The following TRAP1 variants were observed in gnomAD, a reference collection of about 807,000 sequenced individuals.
TRAP1 encodes the protein heat shock protein 75 kDa, mitochondrial.
In TRAP1, 102 loss-of-function variants were observed where a neutral mutation model predicts 89.1. The ratio of observed to expected loss-of-function variants is 1.15; its 90% CI spans 0.98 to 1.35. The LOEUF is 1.35. TRAP1 is among the 40% of genes most tolerant of loss of function. The pLI, the probability that TRAP1 is intolerant of heterozygous loss-of-function variation, is 0.00. For missense variants in TRAP1, 1,256 were observed against 945.3 expected, an observed-to-expected ratio of 1.33 and a Z score of -4.31; for synonymous variants, 508 against 388.0, an observed-to-expected ratio of 1.31 and a Z score of -3.64.
Position 3,662,909 on chromosome 16 carries a change from C to A in TRAP1, c.1767G>T (p.Val589=), listed in dbSNP as rs748175619. 1 of 1,613,376 alleles carries A rather than the reference C, an allele frequency of 6.2e-7. No individual in the cohort carries two copies. Among genetic ancestry groups the A allele is most frequent in the East Asian group, 2.2e-5 (1 of 44,900 alleles). The stretch of plus-strand genomic sequence containing the variant: ...TCACGTTGGTGACACGCGACCCCAG[C>A]ACATTTCTCATCCAGGCCATGAGCT... ...TEELMAWMRN[V]LGSRVTNVKV... The change falls in exon 15 of 18, where the codon GTG becomes GTT. Residue 589 remains valine, a synonymous_variant. Transcript: ENST00000246957.
At chr16:3,664,581 G>T in intron 12 of TRAP1, 122 bp from the exon 13 acceptor site, 1 of 1,094,420 alleles carries the variant, frequency 9.1e-7, no homozygotes. Context: ...GCCCTGACCC[G>T]AGGGACGGTA....
At chr16:3,697,177 C>T (rs1342968003) in intron 1 of TRAP1, among the ~76,000 whole-genome samples, 1 of 152,154 alleles carries the variant, frequency 6.6e-6, no homozygotes, top group African/African-American at 2.4e-5. Context: ...GGATCTTTGC[C>T]TATTGGTCAG....
chr16:3,665,656 G>A lies in TRAP1; in HGVS notation c.1383+315C>T, dbSNP rs2050814178. Among the ~76,000 whole-genome samples, 3 of 152,118 alleles carry A rather than the reference G, an allele frequency of 2.0e-5. No homozygotes were observed. In the South Asian group the frequency reaches 6.2e-4, roughly 32 times the overall value. On this transcript the variant is annotated intron_variant, in intron 12 of 17. Coordinates refer to ENST00000246957, the MANE Select transcript of TRAP1 (RefSeq NM_016292.3). ...TGTCCCACCTGTCTGTGGCTCCCCA[G>A]CCCCCAACATCCTCTGAGGGGAGAC...
intron 1 of TRAP1, among the ~76,000 whole-genome samples, chr16:3,696,411 G>A (rs977746419): frequency 1.3e-5 from 2 of 152,208 alleles, no homozygotes; most frequent in Admixed American, 1.3e-4. Context: ...CTGTGACCCG[G>A]CAAATCAAGC....
At chr16:3,674,074 G>C (rs999672396) in intron 9 of TRAP1, among the ~76,000 whole-genome samples, 6 of 152,192 alleles carry the variant, frequency 3.9e-5, no homozygotes, top group African/African-American at 9.6e-5. Flanking sequence ...TACCCACCCA[G>C]AGGCATCTGT....
chr16:3,674,225 CTA>C, intron 9 of TRAP1, 112 bp downstream of exon 9: 11 of 1,406,930 alleles, frequency 7.8e-6, no homozygotes, highest in South Asian at 5.4e-5. Context: ...CCAGCACTAC[CTA>C]TGTTTTTCAT....
At chr16:3,702,748 G>A (rs573940370) in intron 1 of TRAP1, among the ~76,000 whole-genome samples, 1 of 150,766 alleles carries the variant, frequency 6.6e-6, no homozygotes, top group Non-Finnish European at 1.5e-5. Flanking sequence ...CTGTCTTTAA[G>A]AGAAATTTAA....
chr16:3,699,803 G>T (rs998865773), intron 1 of TRAP1, among the ~76,000 whole-genome samples: 2 of 151,728 alleles, frequency 1.3e-5, no homozygotes. Flanking sequence ...GAACAGCTGG[G>T]ACTGCAGGTA....
intron 15 of TRAP1, chr16:3,662,633 G>A: frequency 1.5e-6 from 1 of 669,084 alleles, no homozygotes; most frequent in Non-Finnish European, 2.7e-6. Context: ...CACTCAGGAT[G>A]CTGGTTTTTC....
chr16:3,661,970 C>A lies in TRAP1; in HGVS notation c.1940+17G>T, dbSNP rs1596684968. On this transcript the variant is annotated intron_variant, in intron 16 of 17. Coordinates refer to ENST00000246957, the MANE Select transcript of TRAP1 (RefSeq NM_016292.3). ...GGGGAATCCCACAGGCTGGAAGAGC[C>A]AGGAGCGTGGCCTCACCTGGGGTTG... The A allele has an allele frequency of 6.3e-7, 1 of 1,587,934 alleles. No homozygotes were observed. Among genetic ancestry groups the A allele is most frequent in the East Asian group, 2.3e-5 (1 of 44,344 alleles).
chr16:3,682,209 A>C (rs1223863779), intron 4 of TRAP1, among the ~76,000 whole-genome samples: 1 of 152,126 alleles, frequency 6.6e-6, no homozygotes, highest in African/African-American at 2.4e-5. Flanking sequence ...ATTAACTTGA[A>C]ATGGATCATA....
intron 12 of TRAP1, 91 bp from the exon 13 acceptor site, chr16:3,664,550 G>A: frequency 7.3e-7 from 1 of 1,372,048 alleles, no homozygotes. Flanking sequence ...GATGCCCATG[G>A]CCTCCTGGCA....
rs141361125 is a variant in TRAP1, at chr16:3,663,513, C to A, written c.1619G>T (p.Arg540Leu). 10 of 1,614,002 alleles carry A rather than the reference C, an allele frequency of 6.2e-6. No individual in the cohort carries two copies. Among genetic ancestry groups the A allele is most frequent in the South Asian group, 3.3e-5 (3 of 91,082 alleles). The change falls in exon 14 of 18, where the codon CGT becomes CTT. Residue 540 changes from arginine to leucine, a missense_variant. By Grantham distance (102) the Arg-to-Leu change is moderately radical (BLOSUM62 -2). Transcript: ENST00000246957. ...GATCAGCTTCTTCTTGTCAAACTCA[C>A]GAAGGTGCAGCAGGGTGAGCTCATC... ...QFDELTLLHL[R>L]EFDKKKLISV...
At chr16:3,700,270 C>T (rs927021493) in intron 1 of TRAP1, among the ~76,000 whole-genome samples, 1 of 151,554 alleles carries the variant, frequency 6.6e-6, no homozygotes, top group African/African-American at 2.4e-5. Flanking sequence ...CGGGTTCAAG[C>T]GATTCTCCTG....
Position 3,677,570 on chromosome 16 carries a change from A to G in TRAP1, c.632T>C (p.Val211Ala), listed in dbSNP as rs760425595. The G allele has an allele frequency of 6.2e-6, 10 of 1,614,066 alleles. No individual in the cohort carries two copies. In the African/African-American group the frequency reaches 1.2e-4, roughly 19 times the overall value. The change falls in exon 6 of 18, where the codon GTG becomes GCG. Residue 211 changes from valine (V) to alanine (A), a missense_variant. Coordinates refer to ENST00000246957, the MANE Select transcript of TRAP1 (RefSeq NM_016292.3). ...FGVGFYSAFM[V>A]ADRVEVYSRS... ...GGAATAGACCTCCACTCTGTCAGCC[A>G]CCATGAAAGCTGAGTAGAAACCCAC...
intron 9 of TRAP1, among the ~76,000 whole-genome samples, chr16:3,673,376 G>A (rs377607288): frequency 1.3e-5 from 2 of 152,208 alleles, no homozygotes; most frequent in Admixed American, 6.5e-5. Context: ...CACCGGGCCC[G>A]AAACGCTGGG....
At chr16:3,664,207 G>C in intron 13 of TRAP1, 67 bp downstream of exon 13, 1 of 1,447,442 alleles carries the variant, frequency 6.9e-7, no homozygotes, top group South Asian at 1.4e-5. Flanking sequence ...CCAGCACAGA[G>C]CTGAGAAGGT....
In TRAP1 at chr16:3,715,036, C is replaced by T. The variant is rs528929914; in HGVS notation, c.88+2385G>A. 8.5e-5 allele frequency among the ~76,000 whole-genome samples: 13 copies of T among 152,290 alleles called. 1 individual carries two copies. In the South Asian group the frequency reaches 1.5e-3, roughly 17 times the overall value. On this transcript the variant is annotated intron_variant, in intron 1 of 17. Coordinates refer to ENST00000246957, the MANE Select transcript of TRAP1 (RefSeq NM_016292.3). Reference sequence around the variant, plus strand: ...GTGACAATGACAAGGGCACCTGCCACGCAGAAGGCTGCCAAGAACATGTTC... The same window carrying T: ...GTGACAATGACAAGGGCACCTGCCATGCAGAAGGCTGCCAAGAACATGTTC...
chr16:3,688,447 C>T (rs1285884627), intron 3 of TRAP1, among the ~76,000 whole-genome samples: 1 of 152,154 alleles, frequency 6.6e-6, no homozygotes, highest in South Asian at 2.1e-4. Flanking sequence ...CAAAGCTCCA[C>T]AGAGACGGAA....
Sources: gnomAD v4.1 joint callset for allele counts (sites outside exome capture counted in the v4.1 genomes callset) on GRCh38, gnomAD v4.1.1 for gene constraint, MANE v1.5 for transcripts, NCBI Gene and HGNC (gene_info 2026-07-23, HGNC 2026-07-21) for gene names.